The following MEF2A variants were observed in gnomAD, a reference collection of about 807,000 sequenced individuals.
The protein encoded by MEF2A is myocyte enhancer factor 2A.
A neutral mutation model predicts 55.8 loss-of-function variants in MEF2A; 28 were observed. That is an observed-to-expected ratio of 0.50 (90% CI 0.37 to 0.69). The LOEUF (loss-of-function observed/expected upper bound fraction) is 0.69. Among genes scored for constraint, MEF2A ranks in the 30% least tolerant of loss-of-function variants. MEF2A has a pLI of 0.00. For missense variants in MEF2A, 528 were observed against 626.2 expected (o/e 0.84, Z 1.67); for synonymous variants, 239 against 227.1 (o/e 1.05, Z -0.47).
intron 1 of MEF2A, among the ~76,000 whole-genome samples, chr15:99,581,366 G>A (rs1424496172): frequency 1.3e-5 from 2 of 151,422 alleles, no homozygotes; most frequent in African/African-American, 4.8e-5. Flanking sequence ...AGAGGCAGTC[G>A]GTCTCTATGC....
At chr15:99,630,488 T>C (rs930877221) in intron 2 of MEF2A, among the ~76,000 whole-genome samples, 1 of 142,732 alleles carries the variant, frequency 7.0e-6, no homozygotes, top group Non-Finnish European at 1.6e-5. Flanking sequence ...TTAACTTGTT[T>C]TAAACTTTTT....
At chr15:99,665,731 CAAAAA>C (rs752473261) in intron 4 of MEF2A, among the ~76,000 whole-genome samples, 20 of 20,254 alleles carry the variant, frequency 9.9e-4, no homozygotes, top group Middle Eastern at 0.062. Context: ...CTTAAATTTA[CAAAAA>C]AAAAAAAAAA....
intron 1 of MEF2A, 25 bp from the exon 2 acceptor site, chr15:99,598,405 A>G (rs1004885873): frequency 1.3e-5 from 2 of 152,362 alleles, no homozygotes; most frequent in East Asian, 1.9e-4. Context: ...ACAATAATGC[A>G]TCTCAAATTT....
intron 1 of MEF2A, among the ~76,000 whole-genome samples, chr15:99,591,438 C>T (rs983979835): frequency 1.3e-5 from 2 of 152,022 alleles, no homozygotes; most frequent in African/African-American, 4.8e-5. Context: ...ATGTGTCTTT[C>T]CACTTCTTTG....
At chr15:99,702,429 CTT>C (rs11429799) in intron 8 of MEF2A, among the ~76,000 whole-genome samples, 15 of 134,312 alleles carry the variant, frequency 1.1e-4, no homozygotes, top group Admixed American at 2.3e-4. Flanking sequence ...AAAAATGTTT[CTT>C]TTTTTTTTTT....
chr15:99,602,037 C>G lies in MEF2A; in HGVS notation c.-143+3526C>G, dbSNP rs113210163. On this transcript the variant is annotated intron_variant, in intron 2 of 11. Coordinates refer to ENST00000557942, the MANE Select transcript of MEF2A (RefSeq NM_001319206.4). Reference sequence around the variant, plus strand: ...CCAGCGGTGAATCTGCATGGGTCTACGGCAACCTCAGTTCTTGCCCTCTCA... The same window carrying G: ...CCAGCGGTGAATCTGCATGGGTCTAGGGCAACCTCAGTTCTTGCCCTCTCA... 3.9e-5 allele frequency among the ~76,000 whole-genome samples: 6 copies of G among 152,184 alleles called. No individual in the cohort carries two copies. The East Asian group carries it at 9.6e-4, about 24-fold the overall frequency.
intron 4 of MEF2A, among the ~76,000 whole-genome samples, chr15:99,654,250 T>C (rs1205182419): frequency 1.3e-5 from 2 of 152,148 alleles, no homozygotes; most frequent in Non-Finnish European, 2.9e-5. Flanking sequence ...ATGTCACTTA[T>C]TAGTAAAGTA....
chr15:99,665,162 A>G (rs1485525263), intron 4 of MEF2A, among the ~76,000 whole-genome samples: 3 of 152,204 alleles, frequency 2.0e-5, no homozygotes, highest in East Asian at 3.8e-4. Context: ...AGCCTCATCA[A>G]AGAAACGGAA....
intron 4 of MEF2A, 179 bp downstream of exon 4, chr15:99,645,943 TACTC>T (rs2045895797): frequency 4.2e-6 from 2 of 479,826 alleles, no homozygotes; most frequent in African/African-American, 1.9e-5. Context: ...GTTATAAACA[TACTC>T]TATTCATTCA....
chr15:99,673,421 AT>A (rs2051273255), intron 5 of MEF2A, among the ~76,000 whole-genome samples: 2 of 152,204 alleles, frequency 1.3e-5, no homozygotes, highest in South Asian at 2.1e-4. Flanking sequence ...TTGATGTATA[AT>A]TTTTCTACAT....
At chr15:99,711,990 G>A (rs566311093) in intron 11 of MEF2A, among the ~76,000 whole-genome samples, 5 of 152,316 alleles carry the variant, frequency 3.3e-5, no homozygotes, top group East Asian at 1.9e-4. Context: ...GAGGATGAGC[G>A]ATGTTGTGCC....
At chr15:99,627,773 A>C (rs2042282431) in intron 2 of MEF2A, among the ~76,000 whole-genome samples, 1 of 152,190 alleles carries the variant, frequency 6.6e-6, no homozygotes, top group African/African-American at 2.4e-5. Context: ...ACATTTTTCT[A>C]ATTGCCTTTC....
chr15:99,709,407 C>T (rs1299957527), intron 10 of MEF2A, among the ~76,000 whole-genome samples: 1 of 152,168 alleles, frequency 6.6e-6, no homozygotes, highest in African/African-American at 2.4e-5. Flanking sequence ...GGACATGGCA[C>T]TAGGTCGTTT....
At chr15:99,620,926 A>G (rs1001569670) in intron 2 of MEF2A, 2 of 149,182 alleles carry the variant, frequency 1.3e-5, no homozygotes, top group African/African-American at 2.5e-5. Flanking sequence ...GTTCACTGCA[A>G]CCTCCGCCTC....
rs12442844 is a variant in MEF2A at position 99,716,335 on chromosome 15, A to C, written c.*3564A>C. ...TGAACCTTTTAAGAAAAATAAGTTA[A>C]TCTCAATTTTTCCCTGAATGTGTTG... On this transcript the variant is annotated 3_prime_UTR_variant, in exon 12 of 12. Transcript: ENST00000557942. The C allele has an allele frequency of 9.5e-3, 3,323 of 350,392 alleles. 109 individuals are homozygous for C. In the East Asian group the frequency reaches 0.11, roughly 12 times the overall value. 21.7% of individuals were successfully genotyped at this position (350,392 alleles called of 1,614,324 possible).
At chr15:99,676,891 C>T (rs191672483) in intron 7 of MEF2A, among the ~76,000 whole-genome samples, 3 of 152,048 alleles carry the variant, frequency 2.0e-5, no homozygotes, top group African/African-American at 4.8e-5. Flanking sequence ...CCAGAATGCC[C>T]GGAAAAGCAA....
chr15:99,653,961 C>T (rs1300716376), intron 4 of MEF2A, among the ~76,000 whole-genome samples: 7 of 151,988 alleles, frequency 4.6e-5, no homozygotes, highest in African/African-American at 1.4e-4. Flanking sequence ...GAAAAAAGAA[C>T]GTAGAAGTAG....
intron 8 of MEF2A, among the ~76,000 whole-genome samples, chr15:99,696,466 C>T (rs1170175053): frequency 6.6e-6 from 1 of 151,936 alleles, no homozygotes; most frequent in African/African-American, 2.4e-5. Flanking sequence ...GGAAAATGGC[C>T]ATATATTTAG....
intron 2 of MEF2A, among the ~76,000 whole-genome samples, chr15:99,611,559 A>C (rs1042146974): frequency 6.6e-6 from 1 of 152,224 alleles, no homozygotes; most frequent in Admixed American, 6.5e-5. Flanking sequence ...TAGTATCCTC[A>C]TACTTTGCTG....
Sources: allele counts gnomAD v4.1 joint callset (sites outside exome capture counted in the v4.1 genomes callset), GRCh38; gene constraint gnomAD v4.1.1; transcripts MANE v1.5; gene names NCBI Gene and HGNC (gene_info 2026-07-23, HGNC 2026-07-21).